TPRG1: variants seen among roughly 807,000 people sequenced by gnomAD.
TPRG1 encodes tumor protein p63-regulated gene 1 protein.
A neutral mutation model predicts 29.3 loss-of-function variants in TPRG1; 29 were observed. The ratio of observed to expected loss-of-function variants is 0.99; its 90% CI spans 0.74 to 1.35. TPRG1 has a LOEUF of 1.35. Among genes scored for constraint, TPRG1 ranks in the 40% most tolerant of loss-of-function variants. The pLI is 0.00. For missense variants in TPRG1, 327 were observed against 335.0 expected (o/e 0.98, Z 0.19); for synonymous variants, 130 against 116.8 (o/e 1.11, Z -0.73).
chr3:189,072,490 C>A (rs1716869841), intron 4 of TPRG1, among the ~76,000 whole-genome samples: 1 of 151,484 alleles, frequency 6.6e-6, no homozygotes, highest in African/African-American at 2.4e-5. Flanking sequence ...GGAAATTATC[C>A]CTTTATGGCT....
chr3:189,066,813 G>A (rs970866840), intron 4 of TPRG1, among the ~76,000 whole-genome samples: 1 of 151,976 alleles, frequency 6.6e-6, no homozygotes, highest in Non-Finnish European at 1.5e-5. Context: ...GGAAGTCCTA[G>A]CTAGAGCAAC....
At chr3:189,196,540 G>A (rs561778277) in intron 1 of TPRG1, among the ~76,000 whole-genome samples, 1 of 152,148 alleles carries the variant, frequency 6.6e-6, no homozygotes, top group African/African-American at 2.4e-5. Flanking sequence ...CATGTGCAGG[G>A]AAACTCCCCT....
At chr3:189,319,749 A>G (rs995941335) in intron 5 of TPRG1, among the ~76,000 whole-genome samples, 11 of 152,104 alleles carry the variant, frequency 7.2e-5, no homozygotes, top group Non-Finnish European at 1.5e-4. Flanking sequence ...ACTCCTTCCT[A>G]AAATCACATC....
intron 1 of TPRG1, among the ~76,000 whole-genome samples, chr3:189,195,037 G>A (rs1476352038): frequency 1.3e-5 from 2 of 152,122 alleles, no homozygotes; most frequent in Non-Finnish European, 2.9e-5. Flanking sequence ...GGAGCATGGG[G>A]TACTATGTAA....
intron 2 of TPRG1, among the ~76,000 whole-genome samples, chr3:189,002,953 C>CTA (rs753594858): frequency 9.9e-5 from 15 of 152,076 alleles, no homozygotes; most frequent in Admixed American, 1.3e-4. Context: ...AACATTTAAC[C>CTA]ACACCTAGCT....
intron 1 of TPRG1, among the ~76,000 whole-genome samples, chr3:189,119,270 T>C (rs1721546315): frequency 1.3e-5 from 2 of 152,230 alleles, no homozygotes; most frequent in African/African-American, 4.8e-5. Flanking sequence ...CCATGTAGAA[T>C]GGGTGTATTT....
chr3:189,042,159 TA>T (rs535411801), intron 4 of TPRG1, among the ~76,000 whole-genome samples: 9 of 151,534 alleles, frequency 5.9e-5, no homozygotes, highest in African/African-American at 1.2e-4. Flanking sequence ...TTTTAGAAAT[TA>T]AAAAAAAATC....
intron 4 of TPRG1, among the ~76,000 whole-genome samples, chr3:189,148,110 T>C (rs1725486301): frequency 1.3e-5 from 2 of 152,354 alleles, no homozygotes; most frequent in South Asian, 4.1e-4. Context: ...AGGATTTGTT[T>C]GTCTGCAAGG....
At chr3:189,172,864 T>C (rs1728994940) in intron 1 of TPRG1, among the ~76,000 whole-genome samples, 1 of 152,228 alleles carries the variant, frequency 6.6e-6, no homozygotes, top group South Asian at 2.1e-4. Flanking sequence ...TAAATGACAC[T>C]CTCCAAATGT....
intron 1 of TPRG1, among the ~76,000 whole-genome samples, chr3:189,204,794 A>G (rs1165323866): frequency 6.6e-6 from 1 of 152,124 alleles, no homozygotes; most frequent in East Asian, 1.9e-4. Context: ...GTTATAGAGA[A>G]CTTTAGAAAT....
At chr3:189,023,254 G>A (rs936091717) in intron 3 of TPRG1, among the ~76,000 whole-genome samples, 3 of 152,016 alleles carry the variant, frequency 2.0e-5, no homozygotes, top group Non-Finnish European at 4.4e-5. Context: ...GCTCCTCCCC[G>A]AGCTCTGAGA....
intron 3 of TPRG1, among the ~76,000 whole-genome samples, chr3:189,133,249 T>C (rs1052326956): frequency 1.3e-5 from 2 of 152,214 alleles, no homozygotes; most frequent in Non-Finnish European, 2.9e-5. Flanking sequence ...TGAAGTCTTA[T>C]GCTGTGTGCT....
At chr3:189,305,709 T>A (rs1026655308) in intron 4 of TPRG1, among the ~76,000 whole-genome samples, 2 of 152,216 alleles carry the variant, frequency 1.3e-5, no homozygotes, top group African/African-American at 4.8e-5. Flanking sequence ...TTGAAAACTC[T>A]AGTCTCAGTT....
At chr3:189,127,769 T>C (rs1008895330) in intron 2 of TPRG1, among the ~76,000 whole-genome samples, 4 of 152,202 alleles carry the variant, frequency 2.6e-5, no homozygotes, top group African/African-American at 4.8e-5. Context: ...GGTCCAGATG[T>C]TATGGAAGAG....
chr3:189,014,084 G>T (rs1428500160), intron 3 of TPRG1, among the ~76,000 whole-genome samples: 1 of 152,126 alleles, frequency 6.6e-6, no homozygotes, highest in African/African-American at 2.4e-5. Context: ...TGTTTATGTG[G>T]TTGTTTCATA....
intron 1 of TPRG1, among the ~76,000 whole-genome samples, chr3:189,113,126 C>T (rs1165129258): frequency 6.6e-6 from 1 of 152,032 alleles, no homozygotes; most frequent in Non-Finnish European, 1.5e-5. Flanking sequence ...GTATTTTATT[C>T]TCTTTGAAGC....
intron 4 of TPRG1, among the ~76,000 whole-genome samples, chr3:189,087,621 G>A (rs6783365): frequency 0.17 from 25,173 of 152,054 alleles, 4,027 homozygotes; most frequent in African/African-American, 0.42. Context: ...GTTTTCTTCT[G>A]CGGTTTTTAT....
intron 3 of TPRG1, among the ~76,000 whole-genome samples, chr3:189,015,907 A>G (rs752439242): frequency 5.3e-5 from 8 of 152,216 alleles, no homozygotes; most frequent in Non-Finnish European, 1.2e-4. Context: ...GAGAGCCTGT[A>G]CAAAGTCAGT....
intron 1 of TPRG1, among the ~76,000 whole-genome samples, chr3:189,190,156 A>T (rs974377882): frequency 6.6e-6 from 1 of 152,240 alleles, no homozygotes; most frequent in African/African-American, 2.4e-5. Flanking sequence ...TGAAACCTAT[A>T]TCGAAAGAAA....
Sources: allele counts gnomAD v4.1 joint callset (sites outside exome capture counted in the v4.1 genomes callset), GRCh38; gene constraint gnomAD v4.1.1; transcripts MANE v1.5; gene names NCBI Gene and HGNC (gene_info 2026-07-23, HGNC 2026-07-21).